Variants in SPOCK1 observed in about 807,000 individuals in gnomAD.
SPOCK1 encodes testican-1.
Under a neutral mutation model 55.3 loss-of-function variants are expected in SPOCK1, and 23 were observed. The ratio of observed to expected loss-of-function variants is 0.42; its 90% CI spans 0.30 to 0.59. SPOCK1 has a LOEUF of 0.59. Ranked by LOEUF, SPOCK1 falls within the 20% of genes least tolerant of loss-of-function variation. The pLI is 0.22. For synonymous variants in SPOCK1, 226 were observed against 221.0 expected (o/e 1.02, Z -0.20); for missense variants, 499 against 552.5 (o/e 0.90, Z 0.97).
At chr5:137,034,288 C>T (rs1035395181) in intron 6 of SPOCK1, among the ~76,000 whole-genome samples, 1 of 152,122 alleles carries the variant, frequency 6.6e-6, no homozygotes, top group African/African-American at 2.4e-5. Flanking sequence ...TGTACAGTGC[C>T]GAGGGGAAAT....
intron 5 of SPOCK1, among the ~76,000 whole-genome samples, chr5:137,088,081 T>G (rs1282233318): frequency 6.6e-6 from 1 of 152,078 alleles, no homozygotes; most frequent in Admixed American, 6.6e-5. Context: ...GTGTGAAGAT[T>G]GCTGGGGGTC....
At chr5:137,353,396 A>C (rs528870145) in intron 2 of SPOCK1, among the ~76,000 whole-genome samples, 33 of 152,220 alleles carry the variant, frequency 2.2e-4, no homozygotes, top group African/African-American at 2.9e-4. Flanking sequence ...ATCAATCAAT[A>C]AATAAAAATA....
chr5:137,485,304 A>T (rs1216398563), intron 2 of SPOCK1, among the ~76,000 whole-genome samples: 1 of 152,158 alleles, frequency 6.6e-6, no homozygotes, highest in Non-Finnish European at 1.5e-5. Context: ...TTCTCCTTCA[A>T]CTGGAACATA....
intron 3 of SPOCK1, among the ~76,000 whole-genome samples, chr5:137,260,324 T>G (rs1283115646): frequency 6.6e-6 from 1 of 152,202 alleles, no homozygotes; most frequent in East Asian, 1.9e-4. Flanking sequence ...ATAATTGAAT[T>G]AATTGTGATA....
intron 3 of SPOCK1, among the ~76,000 whole-genome samples, chr5:137,230,898 C>CATTCCA (rs1309400767): frequency 4.6e-5 from 7 of 152,046 alleles, no homozygotes; most frequent in African/African-American, 9.7e-5. Flanking sequence ...TCTTACAAAA[C>CATTCCA]TAAGTATAAC....
At chr5:137,475,392 A>C (rs553598740) in intron 2 of SPOCK1, among the ~76,000 whole-genome samples, 19 of 152,326 alleles carry the variant, frequency 1.2e-4, no homozygotes, top group African/African-American at 4.6e-4. Context: ...GGAAGAAAAA[A>C]ACAGTTACAT....
intron 2 of SPOCK1, among the ~76,000 whole-genome samples, chr5:137,367,897 C>T (rs557534630): frequency 3.0e-4 from 46 of 152,308 alleles, no homozygotes; most frequent in African/African-American, 9.6e-4. Flanking sequence ...GTAGCCAAGG[C>T]GAGGGCAAAG....
chr5:137,478,604 T>C (rs939643569), intron 2 of SPOCK1, among the ~76,000 whole-genome samples: 14 of 152,130 alleles, frequency 9.2e-5, no homozygotes, highest in Non-Finnish European at 1.8e-4. Flanking sequence ...GAAATTTGTG[T>C]TCAGTAAAAG....
intron 3 of SPOCK1, among the ~76,000 whole-genome samples, chr5:137,233,759 G>A (rs13189692): frequency 0.47 from 52,299 of 110,646 alleles, 11,297 homozygotes; most frequent in Middle Eastern, 0.59. Context: ...CTTGTATCCT[G>A]TGACTTTGCC....
rs200665335 is a variant in SPOCK1 at position 137,436,920 on chromosome 5, C to A, written c.186+61453G>T. 5.3e-5 allele frequency among the ~76,000 whole-genome samples: 8 copies of A among 152,276 alleles called. No individual in the cohort carries two copies. The East Asian group carries it at 1.5e-3, about 29-fold the overall frequency. ...ATTGTATGCCTGAATTTCAACATCA[C>A]ATCATGAAATATGTGCCTGTCTCTC... On this transcript the variant is annotated intron_variant, in intron 2 of 10. Coordinates refer to ENST00000394945, the MANE Select transcript of SPOCK1 (RefSeq NM_004598.4).
At chr5:137,109,054 C>G (rs570934632) in intron 5 of SPOCK1, among the ~76,000 whole-genome samples, 1 of 152,190 alleles carries the variant, frequency 6.6e-6, no homozygotes, top group Non-Finnish European at 1.5e-5. Flanking sequence ...GCATTTTAAG[C>G]TCCTCCTGCG....
rs753569370 is a variant in SPOCK1, at chr5:137,498,393, A to G, written c.166T>C (p.Tyr56His). 27 of 1,604,694 alleles carry G rather than the reference A, an allele frequency of 1.7e-5. No homozygotes were observed. The highest frequency in any genetic ancestry group is 4.5e-5 in the South Asian group (4 of 89,826). The change falls in exon 2 of 11, where the codon TAC becomes CAC. Residue 56 changes from tyrosine to histidine, a missense_variant. Tyr to His is a moderately conservative substitution (Grantham distance 83). Around this residue, in one of 3 missense-constraint regions of SPOCK1, gnomAD observed 386 missense variants for 400.6 expected, o/e 0.96. Coordinates refer to ENST00000394945, the MANE Select transcript of SPOCK1 (RefSeq NM_004598.4). ...CTCACGTCTCGAAAGCGGTTCCAGT[A>G]CTTGTCCCGGTCGTACTGGGAGACG... The part of the protein sequence containing the change: ...STVSQYDRDK[Y>H]WNRFRDDDYF...
chr5:137,050,595 C>G (rs138326217), intron 6 of SPOCK1, among the ~76,000 whole-genome samples: 4 of 151,782 alleles, frequency 2.6e-5, no homozygotes, highest in Admixed American at 1.3e-4. Context: ...AGAAATCACC[C>G]GTCTTCTGCG....
chr5:137,101,075 C>T (rs571879281), intron 5 of SPOCK1, among the ~76,000 whole-genome samples: 22 of 152,208 alleles, frequency 1.4e-4, no homozygotes, highest in Non-Finnish European at 2.1e-4. Flanking sequence ...TACATCTTGG[C>T]GCTGAAATGT....
intron 3 of SPOCK1, among the ~76,000 whole-genome samples, chr5:137,236,362 T>C (rs1434636): frequency 0.82 from 124,630 of 152,236 alleles, 51,160 homozygotes; most frequent in Non-Finnish European, 0.86. Flanking sequence ...GGTCAGTGAA[T>C]GGGAGCTCTT....
rs149294189 is a variant in SPOCK1 at position 137,403,321 on chromosome 5, T to C, written c.186+95052A>G. Among the ~76,000 whole-genome samples, 494 of 152,244 alleles carry C rather than the reference T, an allele frequency of 3.2e-3. 4 individuals carry two copies. The highest frequency in any genetic ancestry group is 0.011 in the African/African-American group (460 of 41,552). The stretch of plus-strand genomic sequence containing the variant: ...CTCCAATTCCCATCATTTTAAGGGT[T>C]AAGCACCTGGAAACACTCAGAAAAC... On this transcript the variant is annotated intron_variant, in intron 2 of 10. Coordinates refer to ENST00000394945, the MANE Select transcript of SPOCK1 (RefSeq NM_004598.4).
At chr5:137,137,873 T>C (rs775780671) in intron 4 of SPOCK1, among the ~76,000 whole-genome samples, 43 of 152,188 alleles carry the variant, frequency 2.8e-4, no homozygotes, top group Admixed American at 5.2e-4. Context: ...ATAATAACTA[T>C]TATCATAATT....
chr5:137,356,873 A>AGAGAGAGTGAGT (rs796667572), intron 2 of SPOCK1, among the ~76,000 whole-genome samples: 1 of 69,824 alleles, frequency 1.4e-5, no homozygotes, highest in African/African-American at 7.3e-5. Flanking sequence ...AGAGAGAGAG[A>AGAGAGAGTGAGT]GAGTATGCAG....
intron 3 of SPOCK1, among the ~76,000 whole-genome samples, chr5:137,182,961 C>T (rs1754996268): frequency 1.3e-5 from 2 of 152,168 alleles, no homozygotes; most frequent in Admixed American, 1.3e-4. Context: ...TGAAAAACAA[C>T]TCCTAGTGTG....
Sources: gnomAD v4.1 joint callset for allele counts (sites outside exome capture counted in the v4.1 genomes callset) on GRCh38, gnomAD v4.1.1 for gene constraint, gnomAD v4.1.1 regional missense constraint, MANE v1.5 for transcripts, NCBI Gene and HGNC (gene_info 2026-07-23, HGNC 2026-07-21) for gene names.